The following CA10 variants were observed in gnomAD, a reference collection of about 807,000 sequenced individuals.
CA10 encodes the protein carbonic anhydrase 10 (inactive), also known as carbonic anhydrase-related protein 10.
CA10 carries 14 observed loss-of-function variants against 44.2 expected under a neutral mutation model. The ratio of observed to expected loss-of-function variants is 0.32; its 90% CI spans 0.21 to 0.50. The LOEUF is 0.50. Among genes scored for constraint, CA10 ranks in the 20% least tolerant of loss-of-function variants. The pLI, the probability that CA10 is intolerant of heterozygous loss-of-function variation, is 0.99. For missense variants in CA10, 350 were observed against 409.7 expected, an observed-to-expected ratio of 0.85 and a Z score of 1.26; for synonymous variants, 159 against 141.6, an observed-to-expected ratio of 1.12 and a Z score of -0.87.
At chr17:52,150,289 T>G (rs1419100185) in intron 1 of CA10, among the ~76,000 whole-genome samples, 1 of 152,188 alleles carries the variant, frequency 6.6e-6, no homozygotes, top group African/African-American at 2.4e-5. Flanking sequence ...CCCTCCTACT[T>G]TCAGGATGAG....
chr17:52,023,072 T>C (rs118123014), intron 2 of CA10, among the ~76,000 whole-genome samples: 2 of 152,142 alleles, frequency 1.3e-5, no homozygotes, highest in Non-Finnish European at 2.9e-5. Flanking sequence ...CCTTGCAAAC[T>C]GCCAATGTCT....
rs1317171614 is a variant in CA10, at chr17:51,899,421, G to T, written c.279+31569C>A. Among the ~76,000 whole-genome samples, 4 of 151,946 alleles carry T rather than the reference G, an allele frequency of 2.6e-5. No individual in the cohort carries two copies. In the East Asian group the frequency reaches 7.7e-4, roughly 29 times the overall value. On this transcript the variant is annotated intron_variant, in intron 3 of 8. Coordinates refer to ENST00000451037, the MANE Select transcript of CA10 (RefSeq NM_020178.5). ...TGATTGCACTGGGGTATGAGAGTGT[G>T]GTTGGTAACATATATTTTTTTGAAT...
intron 3 of CA10, among the ~76,000 whole-genome samples, chr17:51,825,302 C>T (rs1907965861): frequency 1.3e-5 from 2 of 149,554 alleles, no homozygotes; most frequent in Admixed American, 6.6e-5. Context: ...TGCTTTTTTC[C>T]TTCTTTTTTT....
chr17:51,864,668 T>G (rs1333307613), intron 3 of CA10, among the ~76,000 whole-genome samples: 1 of 152,206 alleles, frequency 6.6e-6, no homozygotes, highest in African/African-American at 2.4e-5. Flanking sequence ...GAAAATCAAA[T>G]TCTTCTCTCA....
chr17:51,725,602 A>C (rs1409907848), intron 4 of CA10, among the ~76,000 whole-genome samples: 1 of 152,196 alleles, frequency 6.6e-6, no homozygotes, highest in Non-Finnish European at 1.5e-5. Context: ...TGGCTGATTG[A>C]TAAAGAATGA....
At chr17:52,032,446 T>C (rs933624130) in intron 2 of CA10, among the ~76,000 whole-genome samples, 4 of 152,166 alleles carry the variant, frequency 2.6e-5, no homozygotes, top group African/African-American at 9.6e-5. Context: ...AATTATCTCA[T>C]GAAACTTCAC....
chr17:51,709,676 C>A (rs886080), intron 4 of CA10, among the ~76,000 whole-genome samples: 56,196 of 152,066 alleles, frequency 0.37, 10,940 homozygotes, highest in Admixed American at 0.44. Flanking sequence ...CAAATGTCCT[C>A]AGGTAGGGAA....
At chr17:52,107,195 C>T (rs192013114) in intron 1 of CA10, among the ~76,000 whole-genome samples, 32 of 152,176 alleles carry the variant, frequency 2.1e-4, no homozygotes, top group African/African-American at 7.5e-4. Context: ...AGGGACTGCA[C>T]CCCATGTTAG....
chr17:51,665,891 A>G (rs919453059), intron 4 of CA10, among the ~76,000 whole-genome samples: 1 of 152,260 alleles, frequency 6.6e-6, no homozygotes, highest in Non-Finnish European at 1.5e-5. Flanking sequence ...AGTAGGCAGC[A>G]TGTTTATGCC....
At chr17:51,701,226 G>C (rs1915590931) in intron 4 of CA10, among the ~76,000 whole-genome samples, 1 of 152,072 alleles carries the variant, frequency 6.6e-6, no homozygotes, top group Non-Finnish European at 1.5e-5. Flanking sequence ...TCCTCGGCGG[G>C]CGGCACCATC....
chr17:51,939,054 G>C (rs149710462), intron 2 of CA10, among the ~76,000 whole-genome samples: 2 of 152,098 alleles, frequency 1.3e-5, no homozygotes, highest in Non-Finnish European at 2.9e-5. Flanking sequence ...ACATCCTGAG[G>C]AAACCAGTGT....
At chr17:51,672,531 G>A (rs1182370146) in intron 4 of CA10, among the ~76,000 whole-genome samples, 1 of 152,184 alleles carries the variant, frequency 6.6e-6, no homozygotes, top group African/African-American at 2.4e-5. Context: ...TTGCAGAGTG[G>A]TGGGGGGCCG....
At chr17:52,154,448 G>C (rs904763240) in intron 1 of CA10, among the ~76,000 whole-genome samples, 9 of 152,186 alleles carry the variant, frequency 5.9e-5, no homozygotes, top group Non-Finnish European at 8.8e-5. Context: ...AGTTACATAA[G>C]GAGGAAGTAG....
chr17:51,818,478 T>G (rs890631226), intron 3 of CA10, among the ~76,000 whole-genome samples: 9 of 152,146 alleles, frequency 5.9e-5, no homozygotes, highest in Admixed American at 5.9e-4. Flanking sequence ...CTTTTAGCTG[T>G]TGAAGAAACA....
chr17:51,697,157 G>A (rs1915430764), intron 4 of CA10, among the ~76,000 whole-genome samples: 1 of 151,742 alleles, frequency 6.6e-6, no homozygotes, highest in African/African-American at 2.4e-5. Flanking sequence ...CTCCATGTGG[G>A]CAAATTACTT....
chr17:51,827,598 T>A (rs1908074609), intron 3 of CA10, among the ~76,000 whole-genome samples: 1 of 152,178 alleles, frequency 6.6e-6, no homozygotes, highest in African/African-American at 2.4e-5. Flanking sequence ...GCATACACAG[T>A]GTCTATATAT....
intron 3 of CA10, among the ~76,000 whole-genome samples, chr17:51,756,177 C>T (rs1905071703): frequency 6.6e-6 from 1 of 152,042 alleles, no homozygotes; most frequent in Admixed American, 6.6e-5. Flanking sequence ...CCACAACATC[C>T]ACAACAGCGG....
intron 1 of CA10, among the ~76,000 whole-genome samples, chr17:52,157,456 C>G (rs1989827745): frequency 6.6e-6 from 1 of 151,774 alleles, no homozygotes; most frequent in Non-Finnish European, 1.5e-5. Flanking sequence ...AAATCAACAC[C>G]CATCTGCCTC....
chr17:51,915,485 T>C (rs1360046951), intron 3 of CA10, among the ~76,000 whole-genome samples: 1 of 152,186 alleles, frequency 6.6e-6, no homozygotes, highest in African/African-American at 2.4e-5. Context: ...CTTTCCCATG[T>C]CTTCACAATT....
Sources: allele counts gnomAD v4.1 joint callset (sites outside exome capture counted in the v4.1 genomes callset), GRCh38; gene constraint gnomAD v4.1.1; transcripts MANE v1.5; gene names NCBI Gene and HGNC (gene_info 2026-07-23, HGNC 2026-07-21).